Variants in SULT1A1 observed in about 807,000 individuals in gnomAD.
The protein encoded by SULT1A1 is sulfotransferase 1A1.
In SULT1A1, 35 loss-of-function variants were observed where a neutral mutation model predicts 36.8. The observed-to-expected ratio is 0.95, with a 90% CI of 0.73 to 1.26. SULT1A1 has a LOEUF of 1.26. Ranked by LOEUF, SULT1A1 falls within the 50% of genes most tolerant of loss-of-function variation. The probability of loss-of-function intolerance (pLI) is 0.00; values close to 1 mark genes in which losing one functional copy is unlikely to be tolerated. For synonymous variants in SULT1A1, 119 were observed against 146.0 expected (o/e 0.82, Z 1.33); for missense variants, 309 against 383.0 (o/e 0.81, Z 1.61).
At position 28,608,608 on chromosome 16, in the gene SULT1A1, A is replaced by G. The variant is rs778266974; in HGVS notation, c.149-5T>C. On this transcript the variant is annotated splice_polypyrimidine_tract_variant and splice_region_variant and intron_variant, in intron 2 of 7. Coordinates refer to ENST00000314752, the MANE Select transcript of SULT1A1 (RefSeq NM_001055.4). ...TCTGGCTTACCCAGGTAGTGCCTGG[A>G]GAGGGAGGGAGATGGGAGGTGAGCA... 1.1e-4 allele frequency: 183 copies of G among 1,611,648 alleles called. 4 individuals are homozygous for G. The highest frequency in any genetic ancestry group is 1.5e-4 in the Non-Finnish European group (181 of 1,178,166).
rs3020805 is a variant in SULT1A1, at chr16:28,606,750, C to G, written c.594+11G>C. 0.37 allele frequency: 586,642 copies of G among 1,582,114 alleles called. 111,316 individuals carry two copies. Among genetic ancestry groups the G allele is most frequent in the Admixed American group, 0.46 (27,340 of 59,262 alleles). On this transcript the variant is annotated intron_variant, in intron 6 of 7. Transcript: ENST00000314752. Reference sequence around the variant, plus strand: ...GAGTCACATGGAGGGAAGCATCGCACGTGGTCTCACCTCCTTCATGTCTTC... The same window carrying G: ...GAGTCACATGGAGGGAAGCATCGCAGGTGGTCTCACCTCCTTCATGTCTTC...
intron 1 of SULT1A1, chr16:28,609,463 T>C: frequency 1.6e-6 from 2 of 1,214,110 alleles, no homozygotes; most frequent in South Asian, 2.5e-5. Flanking sequence ...AAAACTCTGA[T>C]GACTCAGCAA....
At chr16:28,607,281 T>C (rs1436711054) in intron 4 of SULT1A1, 3 of 864,368 alleles carry the variant, frequency 3.5e-6, no homozygotes, top group African/African-American at 1.6e-5. Flanking sequence ...TCATATTCTA[T>C]AGTAATATAA....
At chr16:28,623,278 CCAA>C in exon 1 of SULT1A1, 1 of 1,541,366 alleles carries the variant, frequency 6.5e-7, no homozygotes, top group Non-Finnish European at 8.7e-7. Flanking sequence ...AAGGTCACCA[CCAA>C]CGTGGCCACG....
chr16:28,619,747 T>TAC (rs1327850873), intron 2 of SULT1A1, among the ~76,000 whole-genome samples: 3 of 19,494 alleles, frequency 1.5e-4, no homozygotes, highest in East Asian at 2.2e-3. Flanking sequence ...AAAATATATA[T>TAC]ATACATATAT....
At chr16:28,622,595 G>A (rs1286504553) in intron 1 of SULT1A1, among the ~76,000 whole-genome samples, 2 of 152,132 alleles carry the variant, frequency 1.3e-5, no homozygotes, top group Non-Finnish European at 2.9e-5. Context: ...GATTCCACCT[G>A]CTCTGCCCCC....
At chr16:28,608,658 C>T (rs753596496) in intron 2 of SULT1A1, 50 bp downstream of exon 2, 43 of 1,611,096 alleles carry the variant, frequency 2.7e-5, no homozygotes, top group Non-Finnish European at 3.2e-5. Context: ...CCTCGCTGGC[C>T]AAGGTGGGGA....
chr16:28,618,634 G>A lies in SULT1A1; in HGVS notation c.138+1429C>T, dbSNP rs550602862. ...GTTGGGATTACAGGCGTGAGCCACCGTGCCCGGCCTAAATTTTGCACTGGA... is the reference window on the plus strand; with the variant it reads ...GTTGGGATTACAGGCGTGAGCCACCATGCCCGGCCTAAATTTTGCACTGGA... On this transcript the variant is annotated intron_variant, in intron 2 of 5. Transcript: ENST00000350842. Among the ~76,000 whole-genome samples, 19 of 152,238 alleles carry A rather than the reference G, an allele frequency of 1.2e-4. No homozygotes were observed. In the South Asian group the frequency reaches 2.9e-3, roughly 23 times the overall value.
upstream of SULT1A1, chr16:28,610,225 G>A: frequency 8.0e-7 from 1 of 1,250,466 alleles, no homozygotes; most frequent in Non-Finnish European, 1.0e-6. Context: ...AAGGGGAAAG[G>A]CCCAATGGTG....
rs117124912 is a variant in SULT1A1, at chr16:28,606,251, G to A, written c.595-15C>T. On this transcript the variant is annotated splice_polypyrimidine_tract_variant and intron_variant, in intron 6 of 7. Transcript: ENST00000314752. Reference sequence around the variant, plus strand: ...CTTTTCGGGTTCTGAGCAGCAGAGGGCCCCTCAGTGGAGGCTCGGATTACT... The same window carrying A: ...CTTTTCGGGTTCTGAGCAGCAGAGGACCCCTCAGTGGAGGCTCGGATTACT... 7.7e-3 allele frequency: 12,331 copies of A among 1,610,206 alleles called. 9 individuals are homozygous for A. Among genetic ancestry groups the A allele is most frequent in the East Asian group, 0.062 (2,788 of 44,644 alleles).
At chr16:28,618,826 T>C (rs1176158290) in intron 2 of SULT1A1, among the ~76,000 whole-genome samples, 1 of 152,198 alleles carries the variant, frequency 6.6e-6, no homozygotes, top group African/African-American at 2.4e-5. Flanking sequence ...TGGCTCTGAA[T>C]GTGGGAATGA....
intron 1 of SULT1A1, chr16:28,620,280 C>T (rs2047625987): frequency 3.9e-6 from 3 of 766,224 alleles, no homozygotes; most frequent in Admixed American, 2.9e-5. Flanking sequence ...GAAAAGAGAA[C>T]ATAGACAGGT....
rs1462310634 is a variant in SULT1A1 at position 28,620,064 on chromosome 16, A to G, written c.137T>C (p.Met46Thr). The G allele has an allele frequency of 1.2e-6, 2 of 1,612,952 alleles. No homozygotes were observed. Among genetic ancestry groups the G allele is most frequent in the Admixed American group, 3.3e-5 (2 of 59,972 alleles). The change falls in exon 2 of 6, where the codon ATG (methionine) becomes ACG (threonine). Residue 46 changes from methionine (M) to threonine (T), a missense_variant and splice_region_variant. Physicochemically the swap from Met to Thr is moderately conservative, Grantham distance 81. Transcript: ENST00000350842. Reference sequence around the variant, plus strand: ...AACATTTTCAAACGCCTGTCTTACCATATAGGTGTTCCAGAATTTCTGTTT... The same window carrying G: ...AACATTTTCAAACGCCTGTCTTACCGTATAGGTGTTCCAGAATTTCTGTTT...
At chr16:28,615,542 C>G (rs931202259) in intron 2 of SULT1A1, among the ~76,000 whole-genome samples, 12 of 149,802 alleles carry the variant, frequency 8.0e-5, no homozygotes, top group Non-Finnish European at 1.3e-4. Context: ...AACCCCGAGA[C>G]AGACCCCGAG....
intron 2 of SULT1A1, among the ~76,000 whole-genome samples, chr16:28,619,161 C>A (rs1254156708): frequency 6.6e-6 from 1 of 151,982 alleles, no homozygotes; most frequent in Non-Finnish European, 1.5e-5. Context: ...TACAGACATA[C>A]ACCACCGTGC....
At chr16:28,621,663 G>T (rs928815695) in intron 1 of SULT1A1, among the ~76,000 whole-genome samples, 1 of 151,766 alleles carries the variant, frequency 6.6e-6, no homozygotes, top group African/African-American at 2.4e-5. Context: ...CAAATCACAC[G>T]CCGGGACCAG....
At chr16:28,609,448 T>G in intron 1 of SULT1A1, 3 of 1,243,416 alleles carry the variant, frequency 2.4e-6, no homozygotes, top group Non-Finnish European at 3.2e-6. Flanking sequence ...GCTGTGGGAA[T>G]GAACAAAACT....
Position 28,608,309 on chromosome 16 carries a change from C to A in SULT1A1, c.354G>T (p.Leu118=). 9 of 1,612,348 alleles carry A rather than the reference C, an allele frequency of 5.6e-6. No individual in the cohort carries two copies. Among genetic ancestry groups the A allele is most frequent in the Non-Finnish European group, 7.6e-6 (9 of 1,178,662 alleles). The change falls in exon 4 of 8, where the codon CTG becomes CTT. Residue 118 remains leucine, a synonymous_variant. Coordinates refer to ENST00000314752, the MANE Select transcript of SULT1A1 (RefSeq NM_001055.4). ...GCCTCACCTTGACCTTCTGATCCAA[C>A]AGAGTCTGGGGGAGCAGAGCCAGGG... ...HLPLALLPQT[L]LDQKVKVVYV...
At chr16:28,620,024 C>G (rs761949403) in intron 2 of SULT1A1, 1 of 1,574,986 alleles carries the variant, frequency 6.3e-7, no homozygotes, top group Non-Finnish European at 8.7e-7. Context: ...TATACACACA[C>G]AAAAAGATAC....
Sources: gnomAD v4.1 joint callset for allele counts (sites outside exome capture counted in the v4.1 genomes callset) on GRCh38, gnomAD v4.1.1 for gene constraint, MANE v1.5 for transcripts, NCBI Gene and HGNC (gene_info 2026-07-23, HGNC 2026-07-21) for gene names.